Variants in PDS5B observed in about 807,000 individuals in gnomAD.
PDS5B encodes the protein sister chromatid cohesion protein PDS5 homolog B.
PDS5B carries 51 observed loss-of-function variants against 184.1 expected under a neutral mutation model. The ratio of observed to expected loss-of-function variants is 0.28; its 90% CI spans 0.22 to 0.35. The LOEUF is 0.35. Among genes scored for constraint, PDS5B ranks in the 10% least tolerant of loss-of-function variants. The pLI is 1.00. For synonymous variants in PDS5B, 566 were observed against 569.2 expected (o/e 0.99, Z 0.08); for missense variants, 1,180 against 1,723.3 (o/e 0.68, Z 5.58).
chr13:32,714,608 G>A (rs955405828), intron 19 of PDS5B, among the ~76,000 whole-genome samples: 7 of 152,148 alleles, frequency 4.6e-5, no homozygotes, highest in Non-Finnish European at 7.3e-5. Flanking sequence ...CTTTCTCAGG[G>A]ATGTTCCATG....
chr13:32,694,038 TC>T (rs1353374484), intron 13 of PDS5B, among the ~76,000 whole-genome samples, 184 bp from the exon 14 acceptor site: 1 of 151,854 alleles, frequency 6.6e-6, no homozygotes, highest in African/African-American at 2.4e-5. Context: ...TTTCTTTTGA[TC>T]TTGCTGTGTT....
intron 1 of PDS5B, among the ~76,000 whole-genome samples, chr13:32,632,466 C>T (rs1471057671): frequency 6.6e-6 from 1 of 152,216 alleles, no homozygotes; most frequent in African/African-American, 2.4e-5. Context: ...TGAGGTTACA[C>T]TGCATACCTA....
chr13:32,667,627 G>A, intron 6 of PDS5B, 137 bp from the exon 7 acceptor site: 1 of 567,288 alleles, frequency 1.8e-6, no homozygotes, highest in Non-Finnish European at 3.1e-6. Context: ...AAAGAAAAGT[G>A]GTTTTGCCTT....
chr13:32,745,067 A>C (rs939291820), intron 23 of PDS5B, among the ~76,000 whole-genome samples: 2 of 152,156 alleles, frequency 1.3e-5, no homozygotes, highest in African/African-American at 4.8e-5. Flanking sequence ...TGTATTTACT[A>C]GTCTGGAATT....
intron 13 of PDS5B, among the ~76,000 whole-genome samples, chr13:32,692,847 G>A (rs1174090027): frequency 6.6e-6 from 1 of 151,946 alleles, no homozygotes; most frequent in Admixed American, 6.6e-5. Context: ...TACTTGAAAG[G>A]ATAGTTCCTA....
chr13:32,599,389 G>A (rs1334108646), intron 1 of PDS5B, among the ~76,000 whole-genome samples: 1 of 151,588 alleles, frequency 6.6e-6, no homozygotes, highest in Non-Finnish European at 1.5e-5. Flanking sequence ...TCAGCCTCCC[G>A]AGTAAGCTGA....
intron 31 of PDS5B, 34 bp from the exon 32 acceptor site, chr13:32,770,087 A>G (rs1454146685): frequency 1.9e-6 from 3 of 1,540,390 alleles, no homozygotes; most frequent in East Asian, 2.3e-5. Flanking sequence ...TCACAATTTC[A>G]TAACCATAAA....
chr13:32,618,750 C>A (rs2058254254), intron 1 of PDS5B, among the ~76,000 whole-genome samples: 1 of 152,120 alleles, frequency 6.6e-6, no homozygotes, highest in Non-Finnish European at 1.5e-5. Flanking sequence ...GTCATCTCTT[C>A]AAACTTGGGT....
At chr13:32,631,874 T>C (rs2058461059) in intron 1 of PDS5B, among the ~76,000 whole-genome samples, 1 of 152,210 alleles carries the variant, frequency 6.6e-6, no homozygotes, top group African/African-American at 2.4e-5. Context: ...AGACATTCCT[T>C]AAAAACGGCA....
At chr13:32,666,664 T>C (rs369811788) in intron 6 of PDS5B, among the ~76,000 whole-genome samples, 2 of 152,122 alleles carry the variant, frequency 1.3e-5, no homozygotes, top group African/African-American at 4.8e-5. Flanking sequence ...AAGACAAGTA[T>C]AGACTAAGGT....
chr13:32,676,426 C>T (rs148701724), intron 9 of PDS5B, among the ~76,000 whole-genome samples: 1 of 152,230 alleles, frequency 6.6e-6, no homozygotes, highest in African/African-American at 2.4e-5. Flanking sequence ...GGATTCCTTG[C>T]ATGGTTTGAA....
intron 20 of PDS5B, among the ~76,000 whole-genome samples, chr13:32,733,418 C>T (rs757775482): frequency 2.6e-5 from 4 of 152,044 alleles, no homozygotes; most frequent in Non-Finnish European, 5.9e-5. Context: ...AATTACCAAA[C>T]TTATAATCTA....
chr13:32,617,774 A>G (rs182771346), intron 1 of PDS5B, among the ~76,000 whole-genome samples: 2 of 152,264 alleles, frequency 1.3e-5, no homozygotes, highest in East Asian at 1.9e-4. Flanking sequence ...TGTTTATTGG[A>G]TATTTCTTCT....
intron 1 of PDS5B, among the ~76,000 whole-genome samples, chr13:32,632,918 A>G (rs1483863228): frequency 6.6e-6 from 1 of 152,158 alleles, no homozygotes; most frequent in Non-Finnish European, 1.5e-5. Flanking sequence ...CCTGCCCAAC[A>G]TGGTGAAACC....
chr13:32,619,225 CATAGT>C (rs2058261050), intron 1 of PDS5B, among the ~76,000 whole-genome samples: 1 of 152,090 alleles, frequency 6.6e-6, no homozygotes, highest in Admixed American at 6.5e-5. Context: ...ATGATATAGA[CATAGT>C]AGAGTTACAT....
chr13:32,739,297 C>T (rs895048279), intron 21 of PDS5B, among the ~76,000 whole-genome samples: 22 of 152,168 alleles, frequency 1.4e-4, no homozygotes, highest in African/African-American at 5.1e-4. Flanking sequence ...CTCATGTCTC[C>T]TATAGAGCCT....
At chr13:32,655,609 G>A (rs1456814953) in intron 3 of PDS5B, among the ~76,000 whole-genome samples, 1 of 151,508 alleles carries the variant, frequency 6.6e-6, no homozygotes, top group Non-Finnish European at 1.5e-5. Context: ...CTGACCTTGT[G>A]ATCTGCCCGC....
At position 32,770,573 on chromosome 13, in the gene PDS5B, A is replaced by G. The variant is rs1566432724; in HGVS notation, c.4064+13A>G. On this transcript the variant is annotated intron_variant, in intron 32 of 34. Transcript: ENST00000315596. ...GAGCACAGCAGAGGTAAGCATGTGTAACTCTAAACTGCATCTGTTTCGTTA... is the reference window on the plus strand; with the variant it reads ...GAGCACAGCAGAGGTAAGCATGTGTGACTCTAAACTGCATCTGTTTCGTTA... 1 of 1,600,726 alleles carries G rather than the reference A, an allele frequency of 6.2e-7. No individual in the cohort carries two copies. The highest frequency in any genetic ancestry group is 8.5e-7 in the Non-Finnish European group (1 of 1,175,714).
At chr13:32,680,009 C>G (rs1164166329) in intron 10 of PDS5B, among the ~76,000 whole-genome samples, 1 of 151,912 alleles carries the variant, frequency 6.6e-6, no homozygotes, top group Non-Finnish European at 1.5e-5. Flanking sequence ...ACAGTATTTT[C>G]TCTGAGAGTG....
Sources: gnomAD v4.1 joint callset for allele counts (sites outside exome capture counted in the v4.1 genomes callset) on GRCh38, gnomAD v4.1.1 for gene constraint, MANE v1.5 for transcripts, NCBI Gene and HGNC (gene_info 2026-07-23, HGNC 2026-07-21) for gene names.